Variants in CPAMD8 observed in about 807,000 individuals in gnomAD.
CPAMD8 encodes C3 and PZP-like alpha-2-macroglobulin domain-containing protein 8.
In CPAMD8, 146 loss-of-function variants were observed where a neutral mutation model predicts 224.7. That is an observed-to-expected ratio of 0.65 (90% CI 0.57 to 0.75). The LOEUF (loss-of-function observed/expected upper bound fraction) is 0.75, where lower values mean the gene tolerates loss of function less well. CPAMD8 is among the 30% of genes least tolerant of loss of function. The pLI, the probability that CPAMD8 is intolerant of heterozygous loss-of-function variation, is 0.00. For missense variants in CPAMD8, 2,301 were observed against 2,537.5 expected (o/e 0.91, Z 2.00); for synonymous variants, 966 against 1,044.6 (o/e 0.92, Z 1.45).
At chr19:16,987,373 CT>C (rs960494264) in intron 13 of CPAMD8, among the ~76,000 whole-genome samples, 5 of 151,396 alleles carry the variant, frequency 3.3e-5, no homozygotes, top group Non-Finnish European at 7.4e-5. Flanking sequence ...GCAGGACCCC[CT>C]CTCCTCTTCC....
intron 6 of CPAMD8, among the ~76,000 whole-genome samples, chr19:17,008,935 T>C (rs8110184): frequency 0.18 from 27,167 of 151,036 alleles, 2,767 homozygotes; most frequent in African/African-American, 0.28. Flanking sequence ...CTAAAAAAGA[T>C]ACAAAAAAAA....
chr19:16,974,391 C>A (rs976132904), intron 17 of CPAMD8, among the ~76,000 whole-genome samples: 2 of 151,768 alleles, frequency 1.3e-5, no homozygotes, highest in African/African-American at 4.8e-5. Context: ...AGTTCAGACC[C>A]CCTGCCACCT....
rs28773299 is a variant in CPAMD8, at chr19:16,979,344, G to T, written c.1585+1153C>A. ...CATCTATTCATCCAGCCATCCATCTGTCCATTCATCCATCCATCTGTCCAT... is the reference window on the plus strand; with the variant it reads ...CATCTATTCATCCAGCCATCCATCTTTCCATTCATCCATCCATCTGTCCAT... On this transcript the variant is annotated intron_variant, in intron 14 of 41. Transcript: ENST00000443236. 4.3e-3 allele frequency among the ~76,000 whole-genome samples: 560 copies of T among 131,062 alleles called. 2 individuals carry two copies. Among genetic ancestry groups the T allele is most frequent in the African/African-American group, 0.017 (539 of 32,230 alleles). The allele number at this position is 131,062 out of a possible 152,430, so 86.0% of individuals were successfully genotyped here.
At chr19:16,996,644 C>T (rs1218424510) in intron 11 of CPAMD8, among the ~76,000 whole-genome samples, 4 of 152,006 alleles carry the variant, frequency 2.6e-5, no homozygotes, top group Admixed American at 6.6e-5. Flanking sequence ...CATGGCGAAA[C>T]CCCGTCTCTA....
intron 20 of CPAMD8, among the ~76,000 whole-genome samples, 155 bp from the exon 21 acceptor site, chr19:16,947,382 C>T (rs576399390): frequency 7.5e-4 from 114 of 152,274 alleles, no homozygotes; most frequent in African/African-American, 2.6e-3. Context: ...TTTCCATTTC[C>T]GATCAGAACA....
In CPAMD8 at chr19:16,978,227, G is replaced by T. The variant is rs528159552; in HGVS notation, c.1586-687C>A. Among the ~76,000 whole-genome samples, 8 of 152,198 alleles carry T rather than the reference G, an allele frequency of 5.3e-5. No individual in the cohort carries two copies. The South Asian group carries it at 1.7e-3, about 32-fold the overall frequency. On this transcript the variant is annotated intron_variant, in intron 14 of 41. Coordinates refer to ENST00000443236, the MANE Select transcript of CPAMD8 (RefSeq NM_015692.5). ...ACTCATGGGCAACAGGAGGAAGTGG[G>T]TACCCAATCGGCCTTGGGGTTCAAA...
intron 26 of CPAMD8, among the ~76,000 whole-genome samples, chr19:16,924,340 C>G (rs185570641): frequency 6.6e-6 from 1 of 152,036 alleles, no homozygotes; most frequent in Non-Finnish European, 1.5e-5. Context: ...GTCCGGCTGT[C>G]CCCTGGAGGT....
At chr19:17,011,266 G>C (rs1298759442) in intron 5 of CPAMD8, among the ~76,000 whole-genome samples, 198 bp downstream of exon 5, 3 of 152,128 alleles carry the variant, frequency 2.0e-5, no homozygotes, top group Non-Finnish European at 2.9e-5. Context: ...CTTGTTGAGG[G>C]GCAGTGGGCC....
At chr19:16,969,074 T>A (rs1359662637) in intron 18 of CPAMD8, among the ~76,000 whole-genome samples, 1 of 152,020 alleles carries the variant, frequency 6.6e-6, no homozygotes, top group Non-Finnish European at 1.5e-5. Flanking sequence ...AAGGACAAAA[T>A]AAAGAACTCT....
At chr19:16,902,352 TA>T (rs886453874) in intron 35 of CPAMD8, among the ~76,000 whole-genome samples, 6 of 151,860 alleles carry the variant, frequency 4.0e-5, no homozygotes, top group Non-Finnish European at 8.8e-5. Context: ...CTGTATCTAC[TA>T]AAAAGACAAA....
chr19:16,973,096 G>A (rs1248548175), intron 17 of CPAMD8, among the ~76,000 whole-genome samples: 2 of 152,066 alleles, frequency 1.3e-5, no homozygotes, highest in African/African-American at 4.8e-5. Context: ...TTGAGCCCAG[G>A]AGGTCGAGAC....
At chr19:16,958,038 T>A in intron 18 of CPAMD8, 123 bp from the exon 19 acceptor site, 1 of 851,778 alleles carries the variant, frequency 1.2e-6, no homozygotes, top group Non-Finnish European at 1.9e-6. Flanking sequence ...CTGGAAGGGT[T>A]AACATTGTAC....
At chr19:16,995,785 T>C (rs754849472) in intron 11 of CPAMD8, among the ~76,000 whole-genome samples, 10 of 152,008 alleles carry the variant, frequency 6.6e-5, no homozygotes, top group Non-Finnish European at 1.3e-4. Flanking sequence ...GGGTCTGAGG[T>C]AGGAGATCTG....
Position 16,906,398 on chromosome 19 carries a change from CT to C in CPAMD8, c.4027+553del, listed in dbSNP as rs1568459778. On this transcript the variant is annotated intron_variant, in intron 30 of 41. Coordinates refer to ENST00000443236, the MANE Select transcript of CPAMD8 (RefSeq NM_015692.5). ...TCTTTCTTTCTTTCTTTCTTTCTTTCTTTCTTTCTTTCCTTCCTTCCTTCCT... is the reference window on the plus strand; with the variant it reads ...TCTTTCTTTCTTTCTTTCTTTCTTTCTTCTTTCTTTCCTTCCTTCCTTCCT... Among the ~76,000 whole-genome samples the C allele has an allele frequency of 3.1e-3, 306 of 98,634 alleles. 1 individual carries two copies. Among genetic ancestry groups the C allele is most frequent in the Admixed American group, 5.3e-3 (46 of 8,634 alleles). The allele number at this position is 98,634 out of a possible 152,430, so 64.7% of individuals were successfully genotyped here. A position where few individuals can be genotyped will look rare whatever the true frequency, so the allele number is the denominator to read the frequency against.
chr19:16,994,318 T>C (rs1320885580), intron 11 of CPAMD8, among the ~76,000 whole-genome samples: 2 of 152,144 alleles, frequency 1.3e-5, no homozygotes, highest in African/African-American at 4.8e-5. Flanking sequence ...TACCAGGGTA[T>C]GGACAGTTCA....
rs2052006190 is a variant in CPAMD8, at chr19:16,896,621, C to A, written c.5110G>T (p.Gly1704Trp). 1 of 1,504,600 alleles carries A rather than the reference C, an allele frequency of 6.6e-7. No individual in the cohort carries two copies. Among genetic ancestry groups the A allele is most frequent in the Non-Finnish European group, 8.8e-7 (1 of 1,132,406 alleles). The allele number at this position is 1,504,600 out of a possible 1,614,324, so 93.2% of individuals were successfully genotyped here. ...ESGPAVAPEE[G>W]AAIARCGCDH... is the part of the protein sequence containing the mutation. ...CAGCCGCATCGCGCGATCGCCGCCC[C>A]CTCCTCAGGGGCCACGGCAGGGCCC... Residue 1704 changes from glycine to tryptophan, a missense_variant, in exon 40 of 42, where the codon GGG becomes TGG. Gly to Trp is a radical substitution (Grantham distance 184). Transcript: ENST00000443236.
intron 3 of CPAMD8, among the ~76,000 whole-genome samples, chr19:17,013,965 T>A (rs10405038): frequency 3.7e-5 from 5 of 136,600 alleles, no homozygotes; most frequent in Admixed American, 1.7e-4. Flanking sequence ...CCTTTCTTTC[T>A]TCCTTCCTTC....
At chr19:16,904,803 CT>C (rs1162513240) in intron 30 of CPAMD8, among the ~76,000 whole-genome samples, 2 of 152,226 alleles carry the variant, frequency 1.3e-5, no homozygotes, top group East Asian at 3.8e-4. Context: ...AACCTTACCC[CT>C]GGCAGACATC....
intron 22 of CPAMD8, among the ~76,000 whole-genome samples, chr19:16,939,051 G>T (rs1319910722): frequency 1.3e-5 from 2 of 152,178 alleles, no homozygotes; most frequent in Non-Finnish European, 2.9e-5. Flanking sequence ...TGACCAACAC[G>T]GCCCCTGTGG....
Sources: gnomAD v4.1 joint callset for allele counts (sites outside exome capture counted in the v4.1 genomes callset) on GRCh38, gnomAD v4.1.1 for gene constraint, MANE v1.5 for transcripts, NCBI Gene and HGNC (gene_info 2026-07-23, HGNC 2026-07-21) for gene names.